Variants in INPP4B observed in about 807,000 individuals in gnomAD.
INPP4B encodes the protein inositol polyphosphate 4-phosphatase type II.
Under a neutral mutation model 122.5 loss-of-function variants are expected in INPP4B, and 55 were observed. That is an observed-to-expected ratio of 0.45 (90% CI 0.36 to 0.56). The LOEUF is 0.56. Among genes scored for constraint, INPP4B ranks in the 20% least tolerant of loss-of-function variants. The pLI is 0.00. For missense variants in INPP4B, 1,000 were observed against 1,097.7 expected (o/e 0.91, Z 1.26); for synonymous variants, 403 against 388.7 (o/e 1.04, Z -0.43).
At chr4:142,687,087 A>T (rs1024061377) in intron 2 of INPP4B, among the ~76,000 whole-genome samples, 1 of 151,970 alleles carries the variant, frequency 6.6e-6, no homozygotes, top group African/African-American at 2.4e-5. Flanking sequence ...TTCTAACAAG[A>T]TGGGGGACTT....
At chr4:142,827,419 G>A (rs779011539) in intron 1 of INPP4B, among the ~76,000 whole-genome samples, 3 of 152,060 alleles carry the variant, frequency 2.0e-5, no homozygotes, top group Non-Finnish European at 2.9e-5. Context: ...GAAGGTCCTC[G>A]TATAAATTGG....
intron 2 of INPP4B, among the ~76,000 whole-genome samples, chr4:142,638,173 C>T (rs896268274): frequency 6.6e-6 from 1 of 152,132 alleles, no homozygotes; most frequent in Non-Finnish European, 1.5e-5. Flanking sequence ...TTGACATTGT[C>T]TTTCAGAGCA....
chr4:142,389,521 A>C lies in INPP4B; in HGVS notation c.372+13417T>G, dbSNP rs371634756. Among the ~76,000 whole-genome samples, 131 of 152,328 alleles carry C rather than the reference A, an allele frequency of 8.6e-4. 3 individuals carry two copies. In the South Asian group the frequency reaches 0.027, roughly 32 times the overall value. ...AGTAAAAATAAAGCCATTTGGTCTAAATTAAGCAGATCAGATATTAGGTTT... is the reference window on the plus strand; with the variant it reads ...AGTAAAAATAAAGCCATTTGGTCTACATTAAGCAGATCAGATATTAGGTTT... On this transcript the variant is annotated intron_variant, in intron 7 of 25. Transcript: ENST00000262992.
intron 1 of INPP4B, among the ~76,000 whole-genome samples, chr4:142,814,451 A>G (rs1779879889): frequency 6.6e-6 from 1 of 152,188 alleles, no homozygotes; most frequent in Non-Finnish European, 1.5e-5. Context: ...AAATGAAAAC[A>G]AAGATAGAAA....
intron 2 of INPP4B, among the ~76,000 whole-genome samples, chr4:142,484,409 C>T (rs538678625): frequency 6.6e-6 from 1 of 152,070 alleles, no homozygotes; most frequent in African/African-American, 2.4e-5. Context: ...TTGTATATAG[C>T]TTATCTTTAA....
At chr4:142,737,473 A>G (rs912490690) in intron 1 of INPP4B, among the ~76,000 whole-genome samples, 50 of 152,296 alleles carry the variant, frequency 3.3e-4, no homozygotes, top group African/African-American at 1.2e-3. Context: ...AAGATGGATT[A>G]AAGACTTACA....
rs181754516 is a variant in INPP4B, at chr4:142,624,182, C to A, written c.-191+101657G>T. On this transcript the variant is annotated intron_variant, in intron 2 of 25. Coordinates refer to ENST00000262992, the MANE Select transcript of INPP4B (RefSeq NM_001101669.3). The stretch of plus-strand genomic sequence containing the variant: ...ATGGTTGAACTAGTTTACAGTCCCA[C>A]CAACAGTATAAAGTGTTCCTATTTC... Among the ~76,000 whole-genome samples the A allele has an allele frequency of 1.9e-4, 29 of 151,932 alleles. 1 individual carries two copies. The highest frequency in any genetic ancestry group is 7.0e-4 in the African/African-American group (29 of 41,352).
At chr4:142,786,953 A>G (rs1193996168) in intron 1 of INPP4B, among the ~76,000 whole-genome samples, 3 of 152,134 alleles carry the variant, frequency 2.0e-5, no homozygotes, top group Admixed American at 1.3e-4. Flanking sequence ...CGGAAAATAA[A>G]CTATATACAT....
intron 2 of INPP4B, among the ~76,000 whole-genome samples, chr4:142,466,845 A>G (rs1032979397): frequency 1.3e-5 from 2 of 152,064 alleles, no homozygotes; most frequent in Non-Finnish European, 1.5e-5. Context: ...CATCCTGGCC[A>G]CTCCATCTCT....
intron 2 of INPP4B, among the ~76,000 whole-genome samples, chr4:142,554,328 C>A (rs1728663653): frequency 6.7e-6 from 1 of 149,054 alleles, no homozygotes; most frequent in African/African-American, 2.5e-5. Context: ...TCCACCAACT[C>A]CATAGTCCAG....
Position 142,025,097 on chromosome 4 carries a change from A to G in INPP4B, c.*3685T>C, listed in dbSNP as rs906778905. Reference sequence around the variant, plus strand: ...TATTTCCTAATAAAAAAAAAAGAATATGGCATTCATTGTGTGCTGGTAAAT... The same window carrying G: ...TATTTCCTAATAAAAAAAAAAGAATGTGGCATTCATTGTGTGCTGGTAAAT... On this transcript the variant is annotated 3_prime_UTR_variant, in exon 26 of 26. Transcript: ENST00000262992. The G allele has an allele frequency of 1.5e-4, 23 of 152,230 alleles. No homozygotes were observed. The highest frequency in any genetic ancestry group is 3.2e-4 in the Non-Finnish European group (22 of 68,004). The allele number at this position is 152,230 out of a possible 1,614,324, so 9.4% of individuals were successfully genotyped here. A position where few individuals can be genotyped will look rare whatever the true frequency, so the allele number is the denominator to read the frequency against.
rs530624047 is a variant in INPP4B, at chr4:142,137,007, G to C, written c.1720+8833C>G. On this transcript the variant is annotated intron_variant, in intron 18 of 25. Coordinates refer to ENST00000262992, the MANE Select transcript of INPP4B (RefSeq NM_001101669.3). ...GCCATCCCCATCAAGATACCAATGA[G>C]TTTCTTCATAGAATTGGAAAAAACT... Among the ~76,000 whole-genome samples, 43 of 152,182 alleles carry C rather than the reference G, an allele frequency of 2.8e-4. 1 individual carries two copies. In the South Asian group the frequency reaches 7.5e-3, roughly 26 times the overall value.
chr4:142,632,969 TA>T (rs1167057156), intron 2 of INPP4B, among the ~76,000 whole-genome samples: 2 of 151,622 alleles, frequency 1.3e-5, no homozygotes, highest in Non-Finnish European at 2.9e-5. Context: ...TCTTAAAACA[TA>T]AAAGAAGATC....
chr4:142,192,321 G>A (rs1381028206), intron 15 of INPP4B, among the ~76,000 whole-genome samples: 2 of 20,110 alleles, frequency 9.9e-5, no homozygotes, highest in Non-Finnish European at 3.7e-4. Flanking sequence ...ACATACCCTT[G>A]GAATCTAAAA....
chr4:142,260,522 C>T lies in INPP4B; in HGVS notation c.658G>A (p.Gly220Arg), dbSNP rs377427325. ...TTCAAAAAAGGTAAGTTATCTTTTC[C>T]GCTCACACTTTCCGGGGCTGTACAT... Reference protein sequence around the residue: ...CECTAPESVSGKDNLPFLNSV... With the variant: ...CECTAPESVSRKDNLPFLNSV... Residue 220 changes from glycine (G) to arginine (R), a missense_variant, in exon 11 of 26, where the codon GGA (glycine) becomes AGA (arginine). Physicochemically the swap from Gly to Arg is moderately radical, Grantham distance 125. Transcript: ENST00000262992. 95 of 1,607,514 alleles carry T rather than the reference C, an allele frequency of 5.9e-5. 1 individual carries two copies. Among genetic ancestry groups the T allele is most frequent in the South Asian group, 2.0e-4 (18 of 90,530 alleles).
intron 2 of INPP4B, among the ~76,000 whole-genome samples, chr4:142,505,695 G>A (rs1823936537): frequency 1.3e-5 from 2 of 152,146 alleles, no homozygotes; most frequent in African/African-American, 2.4e-5. Flanking sequence ...GAGATGGAAA[G>A]GTGGAGAGCA....
At chr4:142,593,631 C>T (rs1738028586) in intron 2 of INPP4B, among the ~76,000 whole-genome samples, 1 of 152,132 alleles carries the variant, frequency 6.6e-6, no homozygotes, top group Non-Finnish European at 1.5e-5. Context: ...AGTAAAACTC[C>T]ATGGACTTTT....
chr4:142,647,416 C>T (rs1424772565), intron 2 of INPP4B, among the ~76,000 whole-genome samples: 3 of 152,058 alleles, frequency 2.0e-5, no homozygotes, highest in African/African-American at 7.2e-5. Flanking sequence ...TTTATTGGTA[C>T]AAGAAGATAG....
At chr4:142,285,997 T>A (rs1753477996) in intron 9 of INPP4B, among the ~76,000 whole-genome samples, 1 of 152,190 alleles carries the variant, frequency 6.6e-6, no homozygotes, top group Non-Finnish European at 1.5e-5. Flanking sequence ...TGGTAATTAT[T>A]TTAGAGGTCA....
Sources: allele counts gnomAD v4.1 joint callset (sites outside exome capture counted in the v4.1 genomes callset), GRCh38; gene constraint gnomAD v4.1.1; transcripts MANE v1.5; gene names NCBI Gene and HGNC (gene_info 2026-07-23, HGNC 2026-07-21).